Variants in BPIFA2 observed in about 807,000 individuals in gnomAD.
BPIFA2 encodes the protein BPI fold-containing family A member 2.
Under a neutral mutation model 25.7 loss-of-function variants are expected in BPIFA2, and 20 were observed. The observed-to-expected ratio is 0.78, with a 90% confidence interval of 0.55 to 1.13. The LOEUF (loss-of-function observed/expected upper bound fraction) is 1.13. BPIFA2 is among the 50% of genes most tolerant of loss of function. The probability of loss-of-function intolerance (pLI) is 0.00; values close to 1 mark genes in which losing one functional copy is unlikely to be tolerated. For missense variants in BPIFA2, 300 were observed against 298.1 expected, an observed-to-expected ratio of 1.01 and a Z score of -0.05; for synonymous variants, 126 against 124.3, an observed-to-expected ratio of 1.01 and a Z score of -0.09.
chr20:33,176,653 T>C (rs900022643), intron 5 of BPIFA2, among the ~76,000 whole-genome samples: 4 of 152,238 alleles, frequency 2.6e-5, no homozygotes, highest in Non-Finnish European at 5.9e-5. Flanking sequence ...ATCTGTGAGA[T>C]GGCACCACTC....
chr20:33,178,067 C>T lies in BPIFA2; in HGVS notation c.564-80C>T, dbSNP rs1380252731. ...GTTTATCTGACTCCACAGTATTTCC[C>T]GCACCGCCCCCAACTTTTTGGCAGT... On this transcript the variant is annotated intron_variant, in intron 5 of 8. Coordinates refer to ENST00000354932, the MANE Select transcript of BPIFA2 (RefSeq NM_080574.4). 12 of 1,043,604 alleles carry T rather than the reference C, an allele frequency of 1.1e-5. No homozygotes were observed. In the East Asian group the frequency reaches 1.8e-4, roughly 16 times the overall value. 64.6% of individuals were successfully genotyped at this position (1,043,604 alleles called of 1,614,324 possible).
At chr20:33,172,785 A>G in intron 2 of BPIFA2, 147 bp from the exon 3 acceptor site, 1 of 886,588 alleles carries the variant, frequency 1.1e-6, no homozygotes, top group South Asian at 2.0e-5. Context: ...TTAGCTATAA[A>G]AAAGCAGACA....
chr20:33,165,838 AGAG>A (rs936556067), upstream of BPIFA2, among the ~76,000 whole-genome samples: 1 of 152,096 alleles, frequency 6.6e-6, no homozygotes, highest in African/African-American at 2.4e-5. Context: ...AGAGGGAAGA[AGAG>A]GAGGAGGAGG....
chr20:33,173,023 A>G lies in BPIFA2; in HGVS notation c.249A>G (p.Lys83=), dbSNP rs949049927. ...LAKQKAQEAE[K]LLNNVISKLL... is the part of the protein sequence containing the mutation. ...AGCAGAAGGCCCAGGAAGCTGAGAA[A>G]TTGCTGAACAATGTCATTTCTAAGC... The change falls in exon 3 of 9, where the codon AAA becomes AAG. Residue 83 remains lysine, a synonymous_variant. Transcript: ENST00000354932. 7.4e-6 allele frequency: 12 copies of G among 1,614,010 alleles called. No individual in the cohort carries two copies. In the African/African-American group the frequency reaches 8.0e-5, roughly 11 times the overall value.
chr20:33,174,048 G>A, intron 3 of BPIFA2, 31 bp from the exon 4 acceptor site: 1 of 1,583,130 alleles, frequency 6.3e-7, no homozygotes, highest in Non-Finnish European at 8.7e-7. Context: ...GTCATGAGGA[G>A]TGACAAGGGT....
intron 3 of BPIFA2, 41 bp downstream of exon 3, chr20:33,173,117 A>T (rs1375004435): frequency 1.3e-6 from 2 of 1,594,236 alleles, no homozygotes; most frequent in Non-Finnish European, 1.7e-6. Context: ...GCTCTAAGGA[A>T]AGGGAAAACA....
upstream of BPIFA2, among the ~76,000 whole-genome samples, chr20:33,164,607 T>A (rs1488351921): frequency 2.0e-5 from 3 of 151,808 alleles, no homozygotes; most frequent in Non-Finnish European, 2.9e-5. Flanking sequence ...CTTTCCTGCC[T>A]TTCTTCCCTC....
chr20:33,167,492 A>T (rs760976654), upstream of BPIFA2, among the ~76,000 whole-genome samples: 39 of 152,102 alleles, frequency 2.6e-4, no homozygotes, highest in Middle Eastern at 6.8e-3. Context: ...TGGACAAGCC[A>T]CCTCCCTCTC....
Position 33,169,889 on chromosome 20 carries a change from G to T in BPIFA2, c.157+587G>T, listed in dbSNP as rs75452117. 7.0e-3 allele frequency among the ~76,000 whole-genome samples: 1,061 copies of T among 152,084 alleles called. 12 individuals carry two copies. Among genetic ancestry groups the T allele is most frequent in the Middle Eastern group, 0.027 (8 of 294 alleles). The stretch of plus-strand genomic sequence containing the variant: ...AAGGAAATTATCCCTACCTAGCCTT[G>T]GTATCTGTAAAGCTACCTACCTTTA... On this transcript the variant is annotated intron_variant, in intron 2 of 8. Transcript: ENST00000354932.
chr20:33,168,453 T>C (rs762868513), intron 1 of BPIFA2, among the ~76,000 whole-genome samples: 1 of 151,858 alleles, frequency 6.6e-6, no homozygotes, highest in Non-Finnish European at 1.5e-5. Context: ...TCAAGACAAA[T>C]GGCAAATCAG....
upstream of BPIFA2, among the ~76,000 whole-genome samples, chr20:33,167,681 A>T (rs1471608955): frequency 1.9e-3 from 3 of 1,600 alleles, no homozygotes; most frequent in African/African-American, 0.011. Context: ...TGGGGGCAGG[A>T]CCCCTGGGAG....
chr20:33,174,287 C>G, intron 4 of BPIFA2, 101 bp downstream of exon 4: 1 of 1,027,778 alleles, frequency 9.7e-7, no homozygotes, highest in South Asian at 1.4e-5. Flanking sequence ...GCTGGGTGAA[C>G]TTGGGCCTCA....
At position 33,181,056 on chromosome 20, in the gene BPIFA2, G is replaced by A. The variant is rs187289726; in HGVS notation, c.*38-168G>A. On this transcript the variant is annotated intron_variant, in intron 8 of 8. Coordinates refer to ENST00000354932, the MANE Select transcript of BPIFA2 (RefSeq NM_080574.4). ...TAATGAAAGACCCCAAACCACAGGT[G>A]CCAGTTTCTTCTTCCCAGGACTTAA... Among the ~76,000 whole-genome samples, 849 of 152,338 alleles carry A rather than the reference G, an allele frequency of 5.6e-3. 7 individuals are homozygous for A. The highest frequency in any genetic ancestry group is 0.011 in the Admixed American group (168 of 15,304).
chr20:33,162,488 C>T (rs1380691834), intron 1 of BPIFA2, among the ~76,000 whole-genome samples: 2 of 152,208 alleles, frequency 1.3e-5, no homozygotes, highest in Non-Finnish European at 2.9e-5. Flanking sequence ...TAGAATGAGG[C>T]TCTGCCCTCT....
rs2146455376 is a variant in BPIFA2, at chr20:33,175,547, C to T, written c.551C>T (p.Ser184Phe). The T allele has an allele frequency of 6.2e-7, 1 of 1,613,986 alleles. No individual in the cohort carries two copies. The highest frequency in any genetic ancestry group is 8.5e-7 in the Non-Finnish European group (1 of 1,179,946). The change falls in exon 5 of 9, where the codon TCC becomes TTC. Residue 184 changes from serine (S) to phenylalanine (F), a missense_variant. Coordinates refer to ENST00000354932, the MANE Select transcript of BPIFA2 (RefSeq NM_080574.4). ...AGTGACCCAACCAGCATCTCACTTT[C>T]CTTGCTGGACAAGTAAGTCCCATTC... ...CASDPTSISL[S>F]LLDKHSQIIN...
intron 4 of BPIFA2, among the ~76,000 whole-genome samples, chr20:33,174,665 AT>A (rs1204784223): frequency 6.6e-6 from 1 of 152,180 alleles, no homozygotes; most frequent in East Asian, 1.9e-4. Flanking sequence ...AATCCCAGCA[AT>A]TTGAGAAACT....
chr20:33,172,848 G>A (rs1164648136), intron 2 of BPIFA2, 84 bp from the exon 3 acceptor site: 2 of 1,410,694 alleles, frequency 1.4e-6, no homozygotes, highest in East Asian at 4.8e-5. Flanking sequence ...AAATAACATA[G>A]GCAAACAGTC....
At position 33,172,899 on chromosome 20, in the gene BPIFA2, T is replaced by C. The variant is rs777652895; in HGVS notation, c.158-33T>C. ...AGCATCGTAGCTACTTCGTAAGTGG[T>C]GCGTGACACAAAATGGCGATTGTTT... On this transcript the variant is annotated intron_variant, in intron 2 of 8. Transcript: ENST00000354932. 3.9e-5 allele frequency: 63 copies of C among 1,608,122 alleles called. 2 individuals are homozygous for C. The South Asian group carries it at 6.9e-4, about 18-fold the overall frequency.
chr20:33,175,376 C>G (rs1181898970), intron 4 of BPIFA2, 31 bp from the exon 5 acceptor site: 5 of 1,604,940 alleles, frequency 3.1e-6, no homozygotes, highest in Non-Finnish European at 4.3e-6. Context: ...AACTTCTAGA[C>G]TTTGTTCACT....
Sources: allele counts gnomAD v4.1 joint callset (sites outside exome capture counted in the v4.1 genomes callset), GRCh38; gene constraint gnomAD v4.1.1; transcripts MANE v1.5; gene names NCBI Gene and HGNC (gene_info 2026-07-23, HGNC 2026-07-21).